The following AIG1 variants were observed in gnomAD, a reference collection of about 807,000 sequenced individuals.
The protein encoded by AIG1 is androgen-induced gene 1 protein.
AIG1 carries 23 observed loss-of-function variants against 31.4 expected under a neutral mutation model. That is an observed-to-expected ratio of 0.73 (90% CI 0.53 to 1.04). The LOEUF (loss-of-function observed/expected upper bound fraction) is 1.04. AIG1 is among the 50% of genes least tolerant of loss of function. The probability of loss-of-function intolerance (pLI) is 0.00; values close to 1 mark genes in which losing one functional copy is unlikely to be tolerated. For synonymous variants in AIG1, 100 were observed against 110.5 expected (o/e 0.90, Z 0.60); for missense variants, 274 against 295.0 (o/e 0.93, Z 0.52).
At chr6:143,261,964 T>G (rs1795809169) in intron 3 of AIG1, among the ~76,000 whole-genome samples, 2 of 152,250 alleles carry the variant, frequency 1.3e-5, no homozygotes, top group African/African-American at 4.8e-5. Flanking sequence ...TTAATGATTA[T>G]CTTTCAGAAA....
intron 1 of AIG1, among the ~76,000 whole-genome samples, chr6:143,074,237 T>C (rs972840955): frequency 6.6e-6 from 1 of 152,250 alleles, no homozygotes; most frequent in Non-Finnish European, 1.5e-5. Flanking sequence ...GACTTTTAGT[T>C]TGATGTAGTC....
chr6:143,284,618 G>T lies in AIG1; in HGVS notation c.515+393G>T, dbSNP rs1797568273. ...ATGAGAACAGAAGTGACCTCTTAGA[G>T]CAATGACTTAAAACTTACTAGGAAA... On this transcript the variant is annotated intron_variant, in intron 4 of 5. Transcript: ENST00000357847. This position sits in a 1 kb window ranked among gnomAD's most constrained non-coding sequence, Gnocchi z 4.4. Among the ~76,000 whole-genome samples the T allele has an allele frequency of 6.6e-6, 1 of 152,110 alleles. No homozygotes were observed. The highest frequency in any genetic ancestry group is 6.6e-5 in the Admixed American group (1 of 15,266).
At chr6:143,306,356 G>T (rs562630790) in intron 4 of AIG1, among the ~76,000 whole-genome samples, 2 of 152,244 alleles carry the variant, frequency 1.3e-5, no homozygotes, top group East Asian at 3.9e-4. Context: ...TTTTTCAGTG[G>T]CTGGTACTGG....
intron 3 of AIG1, among the ~76,000 whole-genome samples, chr6:143,270,495 G>T (rs1004232090): frequency 6.6e-6 from 1 of 152,056 alleles, no homozygotes; most frequent in African/African-American, 2.4e-5. Context: ...TTTTCTTTTT[G>T]CAAAGCCAAA....
intron 3 of AIG1, among the ~76,000 whole-genome samples, chr6:143,260,802 C>T (rs1213331370): frequency 1.3e-5 from 2 of 152,214 alleles, no homozygotes; most frequent in East Asian, 1.9e-4. Flanking sequence ...AGAATTCCAA[C>T]CCAGGTGTAA....
chr6:143,160,668 G>T (rs960128235), intron 2 of AIG1, among the ~76,000 whole-genome samples: 12 of 152,176 alleles, frequency 7.9e-5, no homozygotes, highest in African/African-American at 2.9e-4. Context: ...AACTATTTTT[G>T]TTCCATATCC....
downstream of AIG1, among the ~76,000 whole-genome samples, chr6:143,341,879 G>T (rs938965173): frequency 6.6e-6 from 1 of 152,174 alleles, no homozygotes; most frequent in African/African-American, 2.4e-5. Context: ...TCTTTTTGCT[G>T]GAGTAAAACA....
chr6:143,158,284 A>G (rs1195223120), intron 2 of AIG1, among the ~76,000 whole-genome samples: 1 of 152,126 alleles, frequency 6.6e-6, no homozygotes, highest in African/African-American at 2.4e-5. Context: ...CTAATGCCAA[A>G]CAGGGGTCAG....
At chr6:143,101,628 A>G (rs921844233) in intron 1 of AIG1, among the ~76,000 whole-genome samples, 1 of 152,048 alleles carries the variant, frequency 6.6e-6, no homozygotes, top group Non-Finnish European at 1.5e-5. Context: ...GAAACTGCCT[A>G]TTGTGTTGGA....
intron 1 of AIG1, among the ~76,000 whole-genome samples, chr6:143,131,180 A>C (rs1783203054): frequency 6.6e-6 from 1 of 152,202 alleles, no homozygotes; most frequent in South Asian, 2.1e-4. Context: ...TTGTTGGGTT[A>C]AGTCTGATAT....
intron 2 of AIG1, among the ~76,000 whole-genome samples, chr6:143,157,467 G>T (rs1785901979): frequency 7.1e-6 from 1 of 141,706 alleles, no homozygotes; most frequent in African/African-American, 2.7e-5. Context: ...TTTTTTTGTG[G>T]CTCCTAGTGA....
chr6:143,182,871 C>T lies in AIG1; in HGVS notation c.399+17688C>T, dbSNP rs145924024. 4.9e-3 allele frequency among the ~76,000 whole-genome samples: 743 copies of T among 152,304 alleles called. 4 individuals are homozygous for T. Among genetic ancestry groups the T allele is most frequent in the Non-Finnish European group, 8.1e-3 (549 of 68,022 alleles). On this transcript the variant is annotated intron_variant, in intron 3 of 5. Transcript: ENST00000357847. Reference sequence around the variant, plus strand: ...TCTCTTTTTCTCTCATTCATTCTCTCCTCCCCTTCATAATAGTTGACAGAG... The same window carrying T: ...TCTCTTTTTCTCTCATTCATTCTCTTCTCCCCTTCATAATAGTTGACAGAG...
intron 3 of AIG1, among the ~76,000 whole-genome samples, chr6:143,249,515 C>T (rs1323700464): frequency 6.6e-6 from 1 of 152,168 alleles, no homozygotes; most frequent in Non-Finnish European, 1.5e-5. Flanking sequence ...GACAGTAGCT[C>T]CTTTCATCTG....
intron 3 of AIG1, among the ~76,000 whole-genome samples, chr6:143,182,713 A>G (rs764890522): frequency 2.4e-4 from 36 of 152,230 alleles, no homozygotes; most frequent in Non-Finnish European, 4.0e-4. Context: ...TGGAATTTCC[A>G]TAGGGTAGGG....
intron 4 of AIG1, among the ~76,000 whole-genome samples, chr6:143,319,756 TCA>T (rs1183862939): frequency 6.6e-6 from 1 of 151,244 alleles, no homozygotes; most frequent in Non-Finnish European, 1.5e-5. Flanking sequence ...ATAAATAAAA[TCA>T]GACATCAAAG....
chr6:143,297,540 G>C lies in AIG1; in HGVS notation c.515+13315G>C, dbSNP rs1222436265. Among the ~76,000 whole-genome samples the C allele has an allele frequency of 1.3e-5, 2 of 151,456 alleles. No individual in the cohort carries two copies. The highest frequency in any genetic ancestry group is 4.9e-5 in the African/African-American group (2 of 41,224). ...TGGTTGGATGGATGGTTGGGTGGTT[G>C]GATGGCTGGGTGATTGGATGGTTGG... is the stretch of plus-strand genomic sequence containing the variant. On this transcript the variant is annotated intron_variant, in intron 4 of 5. Coordinates refer to ENST00000357847, the MANE Select transcript of AIG1 (RefSeq NM_016108.4). The surrounding 1 kb of genome is among the most constrained non-coding windows in gnomAD (Gnocchi z 5.1).
chr6:143,201,548 T>A (rs1435939887), intron 3 of AIG1, among the ~76,000 whole-genome samples: 1 of 152,188 alleles, frequency 6.6e-6, no homozygotes, highest in Non-Finnish European at 1.5e-5. Context: ...CTGACCACAC[T>A]TGGTTACAGA....
intron 3 of AIG1, among the ~76,000 whole-genome samples, chr6:143,246,193 C>T (rs1794610232): frequency 6.6e-6 from 1 of 152,014 alleles, no homozygotes; most frequent in Non-Finnish European, 1.5e-5. Flanking sequence ...CATTCAGTTT[C>T]CTCTTACAGT....
At chr6:143,169,580 C>T (rs1204401509) in intron 3 of AIG1, among the ~76,000 whole-genome samples, 1 of 152,002 alleles carries the variant, frequency 6.6e-6, no homozygotes, top group Admixed American at 6.6e-5. Flanking sequence ...CTCTGCTAAC[C>T]AGCCTCTCCA....
Sources: gnomAD v4.1 joint callset for allele counts (sites outside exome capture counted in the v4.1 genomes callset) on GRCh38, gnomAD v4.1.1 for gene constraint, Gnocchi (gnomAD v3.1) non-coding constraint, MANE v1.5 for transcripts, NCBI Gene and HGNC (gene_info 2026-07-23, HGNC 2026-07-21) for gene names.